FABP12: variants seen among roughly 807,000 people sequenced by gnomAD.
The protein encoded by FABP12 is fatty acid-binding protein 12.
In FABP12, 19 loss-of-function variants were observed where a neutral mutation model predicts 13.7. The observed-to-expected ratio is 1.39, with a 90% CI of 0.97 to 2.04. The LOEUF (loss-of-function observed/expected upper bound fraction) is 2.04, where lower values mean the gene tolerates loss of function less well. Among genes scored for constraint, FABP12 ranks in the 30% most tolerant of loss-of-function variants. The pLI is 0.00. For missense variants in FABP12, 182 were observed against 164.2 expected, an observed-to-expected ratio of 1.11 and a Z score of -0.59; for synonymous variants, 61 against 57.0, an observed-to-expected ratio of 1.07 and a Z score of -0.32.
At chr8:81,541,910 T>TAAAAAAAAAAAAAAAAAAA (rs1167487132) in intron 1 of FABP12, among the ~76,000 whole-genome samples, 1 of 71,156 alleles carries the variant, frequency 1.4e-5, no homozygotes, top group Non-Finnish European at 2.7e-5. Flanking sequence ...TCCCAGGGTT[T>TAAAAAAAAAAAAAAAAAAA]AAAAAAAAAA....
intron 3 of FABP12, 51 bp from the exon 4 acceptor site, chr8:81,527,172 T>A: frequency 9.2e-7 from 1 of 1,081,636 alleles, no homozygotes; most frequent in South Asian, 1.4e-5. Flanking sequence ...ATTTCAACAT[T>A]AAAATTTTAT....
At chr8:81,554,983 T>C (rs940116977) in intron 1 of FABP12, among the ~76,000 whole-genome samples, 6 of 152,050 alleles carry the variant, frequency 3.9e-5, no homozygotes, top group African/African-American at 1.4e-4. Flanking sequence ...TCACTAGCAT[T>C]CGAGATGGAA....
At chr8:81,566,096 A>G (rs1446940757) in intron 1 of FABP12, among the ~76,000 whole-genome samples, 2 of 152,028 alleles carry the variant, frequency 1.3e-5, no homozygotes, top group Non-Finnish European at 2.9e-5. Flanking sequence ...GACACATACA[A>G]CCTACCAAGA....
intron 1 of FABP12, among the ~76,000 whole-genome samples, chr8:81,562,408 A>G (rs76533355): frequency 0.052 from 7,922 of 152,126 alleles, 243 homozygotes; most frequent in South Asian, 0.1. Flanking sequence ...AAGTAAAGGG[A>G]CTTCGTCTTG....
Position 81,544,929 on chromosome 8 carries a change from A to T in FABP12, c.-184-5186T>A, listed in dbSNP as rs547479324. On this transcript the variant is annotated intron_variant, in intron 1 of 5. Coordinates refer to the FABP12 transcript ENST00000692030. ...TACTGAGTGGAAACTCTGATTTTAA[A>T]ATGATATTGTGTAATTCCAGGAAGA... 8.5e-5 allele frequency among the ~76,000 whole-genome samples: 13 copies of T among 152,320 alleles called. No individual in the cohort carries two copies. The East Asian group carries it at 2.5e-3, about 29-fold the overall frequency.
chr8:81,561,553 A>G (rs185359508), intron 1 of FABP12, among the ~76,000 whole-genome samples: 1 of 152,372 alleles, frequency 6.6e-6, no homozygotes, highest in African/African-American at 2.4e-5. Context: ...TTTTAACTTC[A>G]TATCACTGAG....
chr8:81,537,644 G>A (rs1478604454), upstream of FABP12, among the ~76,000 whole-genome samples: 1 of 152,126 alleles, frequency 6.6e-6, no homozygotes. Flanking sequence ...TGTAGGAAGG[G>A]CATTAACGAA....
intron 1 of FABP12, among the ~76,000 whole-genome samples, chr8:81,563,604 T>C (rs1809764761): frequency 6.6e-6 from 1 of 152,132 alleles, no homozygotes; most frequent in Non-Finnish European, 1.5e-5. Flanking sequence ...TTAAAAAGAA[T>C]CAAGCAGAAA....
chr8:81,552,731 C>T (rs1809540809), intron 1 of FABP12, among the ~76,000 whole-genome samples: 1 of 152,058 alleles, frequency 6.6e-6, no homozygotes, highest in Non-Finnish European at 1.5e-5. Flanking sequence ...AATGCTTTGA[C>T]CAGGGCCTGG....
At position 81,580,137 on chromosome 8, in the gene FABP12, C is replaced by T. The variant is rs144688670; in HGVS notation, c.-185+9916G>A. Among the ~76,000 whole-genome samples, 951 of 152,280 alleles carry T rather than the reference C, an allele frequency of 6.2e-3. 9 individuals are homozygous for T. Among genetic ancestry groups the T allele is most frequent in the African/African-American group, 0.022 (924 of 41,548 alleles). On this transcript the variant is annotated intron_variant, in intron 1 of 5. Transcript: ENST00000692030. ...AGCTCCTGTAGAGCTCCATCAAGCA[C>T]CTAAACAAATATACCCCTGCCAGGC...
At chr8:81,525,058 G>C (rs1808853532) in exon 5 of FABP12, 1 of 1,596,040 alleles carries the variant, frequency 6.3e-7, no homozygotes. Flanking sequence ...AAGAGTTTGA[G>C]ACTGAGTTTG....
chr8:81,546,449 G>T (rs1256966073), intron 1 of FABP12, among the ~76,000 whole-genome samples: 5 of 150,888 alleles, frequency 3.3e-5, no homozygotes, highest in Non-Finnish European at 7.4e-5. Flanking sequence ...GTCAGGAGAT[G>T]TAGACCATCC....
intron 1 of FABP12, among the ~76,000 whole-genome samples, chr8:81,578,822 A>AATTTCTT (rs1176379099): frequency 9.0e-4 from 12 of 13,298 alleles, no homozygotes; most frequent in East Asian, 2.0e-3. Context: ...CATTTGTTCA[A>AATTTCTT]GTTTTTTTTT....
chr8:81,546,666 G>GAAATA (rs1417884186), intron 1 of FABP12, among the ~76,000 whole-genome samples: 1 of 151,996 alleles, frequency 6.6e-6, no homozygotes, highest in Non-Finnish European at 1.5e-5. Context: ...AAAATAAAAT[G>GAAATA]AAATAAAATA....
intron 1 of FABP12, among the ~76,000 whole-genome samples, chr8:81,589,589 A>G (rs549412545): frequency 1.4e-4 from 22 of 152,320 alleles, no homozygotes; most frequent in African/African-American, 4.8e-4. Flanking sequence ...AATAAGAAAG[A>G]TTGACAAGCC....
At chr8:81,558,183 G>A (rs1475792548) in intron 1 of FABP12, among the ~76,000 whole-genome samples, 1 of 152,198 alleles carries the variant, frequency 6.6e-6, no homozygotes, top group Admixed American at 6.5e-5. Context: ...CCCTGGAAGG[G>A]AGAAAAGAGT....
chr8:81,529,276 CAGA>C, intron 3 of FABP12, 159 bp downstream of exon 3: 2 of 711,142 alleles, frequency 2.8e-6, no homozygotes, highest in Non-Finnish European at 4.7e-6. Context: ...ACAAGCATCC[CAGA>C]AGATTTGTAT....
chr8:81,558,369 A>G (rs1404118201), intron 1 of FABP12, among the ~76,000 whole-genome samples: 2 of 152,132 alleles, frequency 1.3e-5, no homozygotes, highest in Non-Finnish European at 2.9e-5. Context: ...AGCAATTTGC[A>G]GGTCTAGGAA....
In FABP12 at chr8:81,531,297, C is replaced by A; in HGVS notation, c.19G>T (p.Gly7Ter). ...TCACAAGAAATGGACTTCCATGTTC[C>A]TTGGAGCTGGTCAATCATTCTGTCT... Residue 7 changes from glycine to a stop codon, truncating the protein, a stop_gained, in exon 2 of 5, where the codon GGA becomes TGA. Coordinates refer to ENST00000360464, the Ensembl canonical transcript of FABP12. LOFTEE classifies it high-confidence loss of function. The A allele has an allele frequency of 6.2e-7, 1 of 1,603,094 alleles. No individual in the cohort carries two copies.
Sources: gnomAD v4.1 joint callset for allele counts (sites outside exome capture counted in the v4.1 genomes callset) on GRCh38, gnomAD v4.1.1 for gene constraint, MANE v1.5 for transcripts, NCBI Gene and HGNC (gene_info 2026-07-23, HGNC 2026-07-21) for gene names.